Variants in NLGN4X observed in about 807,000 individuals in gnomAD.
NLGN4X encodes neuroligin-4, X-linked.
In NLGN4X, 3 loss-of-function variants were observed where a neutral mutation model predicts 40.3. The observed-to-expected ratio is 0.07, with a 90% confidence interval of 0.03 to 0.19. The LOEUF (loss-of-function observed/expected upper bound fraction) is 0.19, where lower values mean the gene tolerates loss of function less well. Among genes scored for constraint, NLGN4X ranks in the 10% least tolerant of loss-of-function variants. NLGN4X has a pLI of 1.00. For missense variants in NLGN4X, 382 were observed against 708.3 expected (o/e 0.54, Z 5.23); for synonymous variants, 270 against 306.8 (o/e 0.88, Z 1.25).
intron 2 of NLGN4X, among the ~76,000 whole-genome samples, chrX:6,100,274 A>G (rs1444915089): frequency 1.8e-5 from 2 of 112,486 alleles, no homozygotes; most frequent in African/African-American, 3.2e-5. Context: ...CATGGGGGTC[A>G]TGGCCATCAT....
chrX:6,087,342 CAT>C (rs1270352787), intron 2 of NLGN4X, among the ~76,000 whole-genome samples: 4 of 111,433 alleles, frequency 3.6e-5, no homozygotes, highest in Non-Finnish European at 7.5e-5. Context: ...CATATGTACA[CAT>C]ATGTGTATGG....
intron 3 of NLGN4X, among the ~76,000 whole-genome samples, chrX:5,976,848 G>A (rs918043746): frequency 2.7e-5 from 3 of 112,806 alleles, no homozygotes; most frequent in Non-Finnish European, 5.6e-5. Flanking sequence ...CACATTGTGC[G>A]TACTTCTCAT....
chrX:5,902,926 G>A (rs763924151), intron 5 of NLGN4X, 151 bp downstream of exon 5: 6 of 638,872 alleles, frequency 9.4e-6, no homozygotes, highest in Admixed American at 7.9e-5. Context: ...TGCTGTGTGT[G>A]TAAGCGTGTG....
intron 3 of NLGN4X, among the ~76,000 whole-genome samples, chrX:5,934,565 GCAC>G (rs2033670971): frequency 9.0e-6 from 1 of 111,432 alleles, no homozygotes; most frequent in Non-Finnish European, 1.9e-5. Flanking sequence ...CATCCCTACA[GCAC>G]CCAGAAAGGA....
intron 3 of NLGN4X, among the ~76,000 whole-genome samples, chrX:6,000,332 A>C (rs17268641): frequency 0.03 from 3,359 of 112,342 alleles, 116 homozygotes; most frequent in East Asian, 0.17. Context: ...AAAAGCCTGG[A>C]GATTAATGGG....
chrX:6,118,080 CTT>C (rs1291389410), intron 2 of NLGN4X, among the ~76,000 whole-genome samples: 1 of 110,932 alleles, frequency 9.0e-6, no homozygotes, highest in Non-Finnish European at 1.9e-5. Context: ...CTCTCTCTCT[CTT>C]TCTCATACAA....
At chrX:5,951,024 T>C (rs1032828811) in intron 3 of NLGN4X, among the ~76,000 whole-genome samples, 5 of 112,281 alleles carry the variant, frequency 4.5e-5, no homozygotes, top group Non-Finnish European at 9.4e-5. Flanking sequence ...AATAATCATC[T>C]TCAATAATTA....
At chrX:5,907,882 GGA>G (rs2032278374) in intron 4 of NLGN4X, among the ~76,000 whole-genome samples, 1 of 107,173 alleles carries the variant, frequency 9.3e-6, no homozygotes, top group Non-Finnish European at 1.9e-5. Flanking sequence ...AGAAAGGGAG[GGA>G]GAGAGAGAGA....
intron 2 of NLGN4X, among the ~76,000 whole-genome samples, chrX:6,075,700 T>G (rs1456186544): frequency 9.0e-6 from 1 of 110,870 alleles, no homozygotes; most frequent in Non-Finnish European, 1.9e-5. Flanking sequence ...TAGCACCTCC[T>G]TCCCCCCATT....
At chrX:6,069,218 G>A (rs1396114356) in intron 2 of NLGN4X, among the ~76,000 whole-genome samples, 1 of 109,375 alleles carries the variant, frequency 9.1e-6, no homozygotes, top group African/African-American at 3.3e-5. Context: ...AACCTCGGGG[G>A]TGGAGCTTGC....
chrX:6,012,583 C>T (rs1214357469), intron 3 of NLGN4X, among the ~76,000 whole-genome samples: 1 of 111,650 alleles, frequency 9.0e-6, no homozygotes, highest in Non-Finnish European at 1.9e-5. Context: ...TACATGTCCA[C>T]CTGGAAACTC....
intron 2 of NLGN4X, among the ~76,000 whole-genome samples, chrX:6,032,405 C>A (rs866904898): frequency 2.6e-3 from 166 of 65,084 alleles, no homozygotes; most frequent in Middle Eastern, 0.01. Flanking sequence ...GCGACCAAGC[C>A]AAAAAAAAAA....
At chrX:5,979,056 T>C (rs2035295777) in intron 3 of NLGN4X, among the ~76,000 whole-genome samples, 1 of 111,455 alleles carries the variant, frequency 9.0e-6, no homozygotes, top group Admixed American at 9.6e-5. Context: ...CCCCAAAGTT[T>C]ACCCATATCC....
At chrX:6,150,974 C>T in intron 2 of NLGN4X, 21 bp downstream of exon 2, 1 of 1,166,211 alleles carries the variant, frequency 8.6e-7, no homozygotes, top group Non-Finnish European at 1.2e-6. Context: ...GTATTGTTTT[C>T]TGTTCCAGTG....
intron 2 of NLGN4X, among the ~76,000 whole-genome samples, chrX:6,133,129 C>T (rs2039718001): frequency 1.0e-5 from 1 of 99,351 alleles, no homozygotes; most frequent in Admixed American, 1.2e-4. Flanking sequence ...TCACCATCAT[C>T]ACCATCGTCA....
At chrX:6,036,983 TTA>T (rs1219520467) in intron 2 of NLGN4X, among the ~76,000 whole-genome samples, 4 of 111,577 alleles carry the variant, frequency 3.6e-5, no homozygotes, top group Non-Finnish European at 7.5e-5. Context: ...AAATAGCACT[TTA>T]TGTTATGAAT....
intron 2 of NLGN4X, among the ~76,000 whole-genome samples, chrX:6,099,154 CTA>C (rs1157481962): frequency 1.8e-5 from 2 of 111,971 alleles, no homozygotes; most frequent in Admixed American, 1.9e-4. Flanking sequence ...AAATAAGAAA[CTA>C]TGTCTTTTTT....
chrX:6,076,827 C>A (rs1400309979), intron 2 of NLGN4X, among the ~76,000 whole-genome samples: 1 of 112,271 alleles, frequency 8.9e-6, no homozygotes, highest in African/African-American at 3.2e-5. Context: ...TAAACACAGG[C>A]AAATGATGAG....
At chrX:5,918,314 A>G (rs1235651056) in intron 3 of NLGN4X, among the ~76,000 whole-genome samples, 1 of 112,269 alleles carries the variant, frequency 8.9e-6, no homozygotes, top group Non-Finnish European at 1.9e-5. Flanking sequence ...TGTAAAATGC[A>G]CATAAGTAAA....
Sources: gnomAD v4.1 joint callset for allele counts (sites outside exome capture counted in the v4.1 genomes callset) on GRCh38, gnomAD v4.1.1 for gene constraint, MANE v1.5 for transcripts, NCBI Gene and HGNC (gene_info 2026-07-23, HGNC 2026-07-21) for gene names.